CCDC134: variants seen among roughly 807,000 people sequenced by gnomAD.
CCDC134 encodes the protein coiled-coil domain-containing protein 134.
CCDC134 carries 27 observed loss-of-function variants against 25.6 expected under a neutral mutation model. The observed-to-expected ratio is 1.05, with a 90% CI of 0.78 to 1.45. The LOEUF is 1.45. Ranked by LOEUF, CCDC134 falls within the 40% of genes most tolerant of loss-of-function variation. The probability of loss-of-function intolerance (pLI) is 0.00; values close to 1 mark genes in which losing one functional copy is unlikely to be tolerated. For synonymous variants in CCDC134, 110 were observed against 115.0 expected (o/e 0.96, Z 0.28); for missense variants, 261 against 286.7 (o/e 0.91, Z 0.65).
chr22:41,829,713 C>T lies in CCDC134; in HGVS notation c.*3890C>T, dbSNP rs1049374543. ...TGTGACCCGTAGCACATGCCCAATC[C>T]ATGGTAGATATCGAAACATAGTGGT... On this transcript the variant is annotated 3_prime_UTR_variant, in exon 7 of 7. Transcript: ENST00000255784. 2.0e-5 allele frequency among the ~76,000 whole-genome samples: 3 copies of T among 152,200 alleles called. No homozygotes were observed. In the South Asian group the frequency reaches 6.2e-4, roughly 31 times the overall value.
chr22:41,803,414 A>G (rs2076553471), intron 1 of CCDC134, among the ~76,000 whole-genome samples: 1 of 152,154 alleles, frequency 6.6e-6, no homozygotes, highest in Admixed American at 6.5e-5. Flanking sequence ...CTGGGCCAGC[A>G]TTATTCTGTC....
In CCDC134 at chr22:41,816,545, G is replaced by A. The variant is rs5758482; in HGVS notation, c.564+2723G>A. On this transcript the variant is annotated intron_variant, in intron 6 of 6. Transcript: ENST00000255784. ...TGCCACTGGGCTTGGGCAGACCCTA[G>A]GATTGTTTTGCCAGGTGGCAGTGAT... 0.019 allele frequency among the ~76,000 whole-genome samples: 2,950 copies of A among 152,318 alleles called. 620 individuals carry two copies. In the East Asian group the frequency reaches 0.48, roughly 25 times the overall value.
chr22:41,810,132 G>T (rs1234655670), intron 3 of CCDC134, 75 bp from the exon 4 acceptor site: 2 of 1,595,582 alleles, frequency 1.3e-6, no homozygotes, highest in Admixed American at 3.3e-5. Flanking sequence ...TTGAAGTGGG[G>T]TTTAAATAAA....
Position 41,813,839 on chromosome 22 carries a change from T to C in CCDC134, c.564+17T>C. The C allele has an allele frequency of 6.8e-6, 11 of 1,612,004 alleles. No individual in the cohort carries two copies. Among genetic ancestry groups the C allele is most frequent in the Non-Finnish European group, 9.3e-6 (11 of 1,178,086 alleles). On this transcript the variant is annotated intron_variant, in intron 6 of 6. Transcript: ENST00000255784. ...CGCACAGAGGTGAGCTGCCAGGGCC[T>C]ATGCCTGTGTCTGCTTTGCCTCTGC...
intron 1 of CCDC134, among the ~76,000 whole-genome samples, chr22:41,802,609 A>G (rs1380159084): frequency 3.3e-5 from 5 of 152,172 alleles, no homozygotes; most frequent in African/African-American, 1.2e-4. Flanking sequence ...TCTCTACTAA[A>G]ATACAAAAAT....
At chr22:41,818,001 G>C (rs1009846529) in intron 6 of CCDC134, among the ~76,000 whole-genome samples, 1 of 152,180 alleles carries the variant, frequency 6.6e-6, no homozygotes, top group Non-Finnish European at 1.5e-5. Context: ...ACCTGTGTCA[G>C]GTTCCCAGAA....
intron 4 of CCDC134, among the ~76,000 whole-genome samples, chr22:41,812,348 C>T (rs538411785): frequency 9.0e-5 from 13 of 145,156 alleles, no homozygotes; most frequent in Admixed American, 2.9e-4. Context: ...CTTGAACCCG[C>T]GAGGCGGAGG....
intron 1 of CCDC134, among the ~76,000 whole-genome samples, chr22:41,805,875 T>C (rs1482559524): frequency 1.3e-5 from 2 of 152,220 alleles, no homozygotes; most frequent in African/African-American, 2.4e-5. Context: ...AGGTTGAGGC[T>C]GCAGTGAGCC....
At chr22:41,822,134 A>T (rs1449243184) in intron 6 of CCDC134, among the ~76,000 whole-genome samples, 3 of 152,074 alleles carry the variant, frequency 2.0e-5, no homozygotes, top group Non-Finnish European at 2.9e-5. Flanking sequence ...GTTGTCAGGG[A>T]CAGGCAGAGC....
At chr22:41,802,689 C>T (rs1333092159) in intron 1 of CCDC134, among the ~76,000 whole-genome samples, 7 of 151,618 alleles carry the variant, frequency 4.6e-5, no homozygotes, top group Non-Finnish European at 7.4e-5. Context: ...CCGAGGCAGG[C>T]GGATCATGAG....
chr22:41,810,311 G>A lies in CCDC134; in HGVS notation c.310+20G>A, dbSNP rs769614920. The A allele has an allele frequency of 1.4e-5, 22 of 1,603,302 alleles. No homozygotes were observed. Among genetic ancestry groups the A allele is most frequent in the African/African-American group, 5.4e-5 (4 of 74,552 alleles). On this transcript the variant is annotated intron_variant, in intron 4 of 6. Coordinates refer to ENST00000255784, the MANE Select transcript of CCDC134 (RefSeq NM_024821.5). ...AGGATGGTATGGTCTGCCCTGCCCC[G>A]CCCTGTCCTCCGCACCACCCGATCT...
At chr22:41,801,175 T>A (rs912777190) in intron 1 of CCDC134, among the ~76,000 whole-genome samples, 4 of 152,230 alleles carry the variant, frequency 2.6e-5, no homozygotes, top group Non-Finnish European at 5.9e-5. Context: ...CTGTCTGGTA[T>A]TCTCCTTGGC....
chr22:41,814,420 G>T (rs964484708), intron 6 of CCDC134, among the ~76,000 whole-genome samples: 1 of 152,116 alleles, frequency 6.6e-6, no homozygotes, highest in Non-Finnish European at 1.5e-5. Flanking sequence ...ACAAAAAACT[G>T]GCCAGGCGTG....
rs867179158 is a variant in CCDC134, at chr22:41,829,777, T to C, written c.*3954T>C. Among the ~76,000 whole-genome samples, 1 of 151,482 alleles carries C rather than the reference T, an allele frequency of 6.6e-6. No homozygotes were observed. The highest frequency in any genetic ancestry group is 2.1e-4 in the South Asian group (1 of 4,802). On this transcript the variant is annotated 3_prime_UTR_variant, in exon 7 of 7. Transcript: ENST00000255784. ...CCATCCCTTTTCTTTCTTTCTTTCTTTTTTTTCTTTTTTTTTGAGACAAGT... is the reference window on the plus strand; with the variant it reads ...CCATCCCTTTTCTTTCTTTCTTTCTCTTTTTTCTTTTTTTTTGAGACAAGT...
At chr22:41,817,211 C>A (rs1333957878) in intron 6 of CCDC134, among the ~76,000 whole-genome samples, 1 of 152,100 alleles carries the variant, frequency 6.6e-6, no homozygotes, top group East Asian at 1.9e-4. Flanking sequence ...AATATACAGT[C>A]CTCTGTTTTG....
chr22:41,805,168 C>T (rs186698764), intron 1 of CCDC134, among the ~76,000 whole-genome samples: 18 of 152,324 alleles, frequency 1.2e-4, no homozygotes, highest in East Asian at 1.9e-4. Context: ...TGGTGGCTCA[C>T]GCCTGTAATC....
rs573601264 is a variant in CCDC134, at chr22:41,825,055, A to G, written c.565-643A>G. On this transcript the variant is annotated intron_variant, in intron 6 of 6. Coordinates refer to ENST00000255784, the MANE Select transcript of CCDC134 (RefSeq NM_024821.5). This position sits in a 1 kb window ranked among gnomAD's most constrained non-coding sequence, Gnocchi z 4.4. ...TCATCAGAACAGGGACTCTGGGGAG[A>G]GGGAACCATACTGAGTCTAGGGTGC... is the stretch of plus-strand genomic sequence containing the variant. 4.6e-5 allele frequency among the ~76,000 whole-genome samples: 7 copies of G among 151,932 alleles called. No homozygotes were observed. The highest frequency in any genetic ancestry group is 1.7e-4 in the African/African-American group (7 of 41,344).
chr22:41,802,192 C>A (rs1400382303), intron 1 of CCDC134, among the ~76,000 whole-genome samples: 2 of 148,066 alleles, frequency 1.4e-5, no homozygotes, highest in Non-Finnish European at 3.0e-5. Context: ...ATTGGAGAAT[C>A]ATGCTTTAAA....
At position 41,829,826 on chromosome 22, in the gene CCDC134, T is replaced by G. The variant is rs946551420; in HGVS notation, c.*4003T>G. ...GTCTCACTTTGTTGCCTGCCTGGAG[T>G]GCAGTGGTGCGATCTCGGCTCACTG... On this transcript the variant is annotated 3_prime_UTR_variant, in exon 7 of 7. Transcript: ENST00000255784. 6.6e-6 allele frequency among the ~76,000 whole-genome samples: 1 copy of G among 152,060 alleles called. No homozygotes were observed. Among genetic ancestry groups the G allele is most frequent in the Non-Finnish European group, 1.5e-5 (1 of 68,012 alleles).
Sources: gnomAD v4.1 joint callset for allele counts (sites outside exome capture counted in the v4.1 genomes callset) on GRCh38, gnomAD v4.1.1 for gene constraint, Gnocchi (gnomAD v3.1) non-coding constraint, MANE v1.5 for transcripts, NCBI Gene and HGNC (gene_info 2026-07-23, HGNC 2026-07-21) for gene names.